The following POM121 variants were observed in gnomAD, a reference collection of about 807,000 sequenced individuals.
POM121 encodes nuclear envelope pore membrane protein POM 121.
A neutral mutation model predicts 81.3 loss-of-function variants in POM121; 32 were observed. That is an observed-to-expected ratio of 0.39 (90% confidence interval 0.30 to 0.53). The LOEUF (loss-of-function observed/expected upper bound fraction) is 0.53, where lower values mean the gene tolerates loss of function less well. Among genes scored for constraint, POM121 ranks in the 20% least tolerant of loss-of-function variants. The pLI is 0.66. For missense variants in POM121, 1,138 were observed against 1,614.6 expected (o/e 0.70, Z 5.06); for synonymous variants, 514 against 694.2 (o/e 0.74, Z 4.08).
At chr7:72,910,121 G>C (rs1392419477) in intron 3 of POM121, among the ~76,000 whole-genome samples, 2 of 152,212 alleles carry the variant, frequency 1.3e-5, no homozygotes. Context: ...CTTGCTGCTA[G>C]CGTTCATTTA....
At chr7:72,901,241 G>T (rs1353640255) in intron 3 of POM121, among the ~76,000 whole-genome samples, 2 of 149,580 alleles carry the variant, frequency 1.3e-5, no homozygotes, top group Non-Finnish European at 3.0e-5. Flanking sequence ...TTGAGACAGG[G>T]TCTCACTCTG....
chr7:72,939,395 C>G lies in POM121; in HGVS notation c.1427C>G (p.Ser476Cys). Reference protein sequence around the residue: ...SSTPLAADRESQGEKAADTTP... With the variant: ...SSTPLAADRECQGEKAADTTP... Reference sequence around the variant, plus strand: ...ACTCCATTGGCAGCAGACAGGGAGTCCCAGGGAGAAAAGGGTAGGTTGCTG... The same window carrying G: ...ACTCCATTGGCAGCAGACAGGGAGTGCCAGGGAGAAAAGGGTAGGTTGCTG... Residue 476 changes from serine to cysteine, a missense_variant, in exon 7 of 13, where the codon TCC becomes TGC. Ser to Cys is a moderately radical substitution (Grantham distance 112). Around this residue, in one of 7 missense-constraint regions of POM121, gnomAD observed 24 missense variants for 54.3 expected, o/e 0.44. Coordinates refer to ENST00000434423, the MANE Select transcript of POM121 (RefSeq NM_001387691.1). 3 of 1,613,846 alleles carry G rather than the reference C, an allele frequency of 1.9e-6. No individual in the cohort carries two copies. The highest frequency in any genetic ancestry group is 2.5e-6 in the Non-Finnish European group (3 of 1,179,832).
In POM121 at chr7:72,925,426, G is replaced by A. The variant is rs1233267732; in HGVS notation, c.305G>A (p.Arg102Gln). 1 of 1,533,728 alleles carries A rather than the reference G, an allele frequency of 6.5e-7. No homozygotes were observed. Among genetic ancestry groups the A allele is most frequent in the Admixed American group, 2.0e-5 (1 of 50,940 alleles). ...TCCTTCGTTCGGAAGGCGCGTCATC[G>A]GCGAACACTGTTCGCTTCGCCTCTG... ...LSSFVRKARH[R>Q]RTLFASPLAK... The change falls in exon 1 of 13, where the codon CGG (arginine) becomes CAG (glutamine). Residue 102 changes from arginine to glutamine, a missense_variant. Arg to Gln is a conservative substitution (Grantham distance 43). Transcript: ENST00000434423.
At chr7:72,884,572 T>C (rs1790518234) in intron 1 of POM121, among the ~76,000 whole-genome samples, 2 of 149,166 alleles carry the variant, frequency 1.3e-5, no homozygotes, top group Admixed American at 1.3e-4. Context: ...ATAGCAAATA[T>C]ATACATATAT....
At chr7:72,935,346 A>G (rs1334085034) in intron 5 of POM121, among the ~76,000 whole-genome samples, 1 of 151,996 alleles carries the variant, frequency 6.6e-6, no homozygotes, top group African/African-American at 2.4e-5. Flanking sequence ...CTAATTTTTA[A>G]AAACTTATAA....
rs191505443 is a variant in POM121, at chr7:72,935,821, A to G, written c.1276-2769A>G. 3.4e-3 allele frequency among the ~76,000 whole-genome samples: 519 copies of G among 152,246 alleles called. 4 individuals carry two copies. Among genetic ancestry groups the G allele is most frequent in the African/African-American group, 0.012 (488 of 41,534 alleles). On this transcript the variant is annotated intron_variant, in intron 5 of 12. Coordinates refer to ENST00000434423, the MANE Select transcript of POM121 (RefSeq NM_001387691.1). The stretch of plus-strand genomic sequence containing the variant: ...TCTAAATAGTGCCTTCATATATGCT[A>G]TTCTAAATAGTGCCTTCAAAATGTG...
chr7:72,899,672 G>A (rs1792386055), intron 3 of POM121, among the ~76,000 whole-genome samples: 1 of 150,616 alleles, frequency 6.6e-6, no homozygotes, highest in Non-Finnish European at 1.5e-5. Context: ...TCCGCCTCCA[G>A]GGTTCACACC....
At chr7:72,894,187 C>T (rs531149698) in intron 3 of POM121, among the ~76,000 whole-genome samples, 14 of 152,138 alleles carry the variant, frequency 9.2e-5, no homozygotes, top group South Asian at 2.1e-4. Context: ...TGCTTGAACC[C>T]GGGAGGCAGC....
chr7:72,936,831 A>G (rs576028778), intron 5 of POM121, among the ~76,000 whole-genome samples: 29 of 152,196 alleles, frequency 1.9e-4, no homozygotes, highest in Non-Finnish European at 1.2e-4. Context: ...TACTTTAACT[A>G]CAGGTAAGGT....
chr7:72,919,577 G>C (rs1204437716), intron 4 of POM121, among the ~76,000 whole-genome samples: 2 of 152,046 alleles, frequency 1.3e-5, no homozygotes, highest in African/African-American at 4.8e-5. Flanking sequence ...GACCTTCCAG[G>C]CTCAAGCAAA....
chr7:72,894,510 G>T (rs1297387596), intron 3 of POM121, among the ~76,000 whole-genome samples: 11 of 151,732 alleles, frequency 7.2e-5, no homozygotes, highest in African/African-American at 2.4e-4. Flanking sequence ...CCTGGGAGGC[G>T]GAGGTTGCAG....
downstream of POM121, chr7:72,949,818 G>C (rs1190155244): frequency 1.6e-6 from 2 of 1,278,852 alleles, no homozygotes; most frequent in Non-Finnish European, 2.3e-6. Flanking sequence ...CAAACCCCAT[G>C]TCCTCCTCCT....
intron 5 of POM121, among the ~76,000 whole-genome samples, chr7:72,935,414 A>G (rs538046534): frequency 7.2e-5 from 11 of 152,334 alleles, no homozygotes; most frequent in East Asian, 3.9e-4. Flanking sequence ...AGCTCAAGCA[A>G]TCTTCCCACC....
At chr7:72,899,575 A>ATTTTT (rs10709124) in intron 3 of POM121, among the ~76,000 whole-genome samples, 3 of 121,452 alleles carry the variant, frequency 2.5e-5, no homozygotes, top group Admixed American at 8.8e-5. Context: ...TTGATATTAC[A>ATTTTT]TTTTTTTTTT....
intron 3 of POM121, among the ~76,000 whole-genome samples, chr7:72,901,439 C>T (rs6959015): frequency 0.12 from 17,958 of 151,234 alleles, 1,170 homozygotes; most frequent in African/African-American, 0.14. Context: ...ACTGCAACCT[C>T]CACCTCCTGG....
upstream of POM121, among the ~76,000 whole-genome samples, chr7:72,921,339 C>T (rs1302181559): frequency 5.9e-5 from 9 of 152,154 alleles, no homozygotes; most frequent in African/African-American, 1.4e-4. Context: ...AGCCTTCAGC[C>T]GTGGGTTTGT....
At chr7:72,906,176 A>C (rs1177470519) in intron 3 of POM121, among the ~76,000 whole-genome samples, 1 of 152,186 alleles carries the variant, frequency 6.6e-6, no homozygotes, top group Non-Finnish European at 1.5e-5. Context: ...GGGGCTTTAA[A>C]TGGGGTGAGG....
At chr7:72,891,093 C>A (rs1231253985) in exon 3 of POM121, 2 of 1,144,812 alleles carry the variant, frequency 1.7e-6, no homozygotes, top group Non-Finnish European at 2.6e-6. Context: ...GGTGAATTTC[C>A]ATGTCAACAT....
chr7:72,929,413 T>A (rs1433819315), intron 4 of POM121, among the ~76,000 whole-genome samples: 1 of 152,242 alleles, frequency 6.6e-6, no homozygotes, highest in Non-Finnish European at 1.5e-5. Flanking sequence ...TGGATGACTG[T>A]CCTACAGAAA....
Sources: allele counts gnomAD v4.1 joint callset (sites outside exome capture counted in the v4.1 genomes callset), GRCh38; gene constraint gnomAD v4.1.1; regional missense constraint gnomAD v4.1.1; transcripts MANE v1.5; gene names NCBI Gene and HGNC (gene_info 2026-07-23, HGNC 2026-07-21).